Variants in SBNO1 observed in about 807,000 individuals in gnomAD.
The protein encoded by SBNO1 is strawberry notch homolog 1, also known as protein strawberry notch homolog 1.
Under a neutral mutation model 173.6 loss-of-function variants are expected in SBNO1, and 23 were observed. The observed-to-expected ratio is 0.13, with a 90% CI of 0.10 to 0.19. SBNO1 has a LOEUF of 0.19. Among genes scored for constraint, SBNO1 ranks in the 10% least tolerant of loss-of-function variants. The pLI is 1.00. For synonymous variants in SBNO1, 632 were observed against 571.5 expected (o/e 1.11, Z -1.51); for missense variants, 1,238 against 1,671.2 (o/e 0.74, Z 4.52).
rs2048490579 is a variant in SBNO1, at chr12:123,290,128, T to C, written c.*5780A>G. On this transcript the variant is annotated 3_prime_UTR_variant, in exon 32 of 32. Coordinates refer to ENST00000602398, the MANE Select transcript of SBNO1 (RefSeq NM_001167856.3). ...TCTTGCTGGACGGTGCCCTGCCACG[T>C]TGCGGCAGCCCAGATGGCCGCACTG... 1 of 152,252 alleles carries C rather than the reference T, an allele frequency of 6.6e-6. No individual in the cohort carries two copies. Among genetic ancestry groups the C allele is most frequent in the African/African-American group, 2.4e-5 (1 of 41,458 alleles). The allele number at this position is 152,252 out of a possible 1,614,324, so 9.4% of individuals were successfully genotyped here. A position where few individuals can be genotyped will look rare whatever the true frequency, so the allele number is the denominator to read the frequency against.
Position 123,304,572 on chromosome 12 carries a change from G to A in SBNO1, c.3768+10C>T, listed in dbSNP as rs377657358. 4.9e-5 allele frequency: 74 copies of A among 1,516,700 alleles called. No homozygotes were observed. In the African/African-American group the frequency reaches 1.0e-3, roughly 21 times the overall value. The allele number at this position is 1,516,700 out of a possible 1,614,324, so 94.0% of individuals were successfully genotyped here. On this transcript the variant is annotated intron_variant, in intron 29 of 31. Transcript: ENST00000602398. ...TTCCTATATAATATAATGTACAAAT[G>A]AAAAAATACCTTCTTATATTTCTTT...
At chr12:123,322,058 C>T (rs1473717028) in intron 16 of SBNO1, among the ~76,000 whole-genome samples, 1 of 152,156 alleles carries the variant, frequency 6.6e-6, no homozygotes, top group East Asian at 1.9e-4. Flanking sequence ...GACTGTGTAT[C>T]AGATTTGAGA....
intron 1 of SBNO1, among the ~76,000 whole-genome samples, chr12:123,351,139 AAAAG>A (rs1474142145): frequency 6.6e-6 from 1 of 152,030 alleles, no homozygotes; most frequent in Non-Finnish European, 1.5e-5. Flanking sequence ...AAAAAAAAGA[AAAAG>A]AAAACCTCTG....
chr12:123,316,504 G>T (rs943159906), intron 21 of SBNO1, among the ~76,000 whole-genome samples: 1 of 151,288 alleles, frequency 6.6e-6, no homozygotes, highest in Non-Finnish European at 1.5e-5. Context: ...GATTACAGGC[G>T]TGAGCCGCTG....
At chr12:123,310,116 C>T (rs2049015642) in intron 25 of SBNO1, among the ~76,000 whole-genome samples, 1 of 152,188 alleles carries the variant, frequency 6.6e-6, no homozygotes, top group African/African-American at 2.4e-5. Flanking sequence ...CAATTCAGTA[C>T]ATAAGAAAGT....
chr12:123,327,985 C>T lies in SBNO1; in HGVS notation c.1339G>A (p.Val447Ile). ...GTCTTGGTTGGCTTTGAAGAACCAA[C>T]AGGACATAAGTTTTTGGCTTTATGA... ...ECHKAKNLCP[V>I]GSSKPTKTGL... The change falls in exon 11 of 32, where the codon GTT becomes ATT. Residue 447 changes from valine (V) to isoleucine (I), a missense_variant. Val to Ile is a conservative substitution (Grantham distance 29, BLOSUM62 3). Around this residue, in one of 14 missense-constraint regions of SBNO1, gnomAD observed 182 missense variants for 339.9 expected, o/e 0.54. Transcript: ENST00000602398. The T allele has an allele frequency of 1.9e-6, 3 of 1,613,124 alleles. No individual in the cohort carries two copies. The highest frequency in any genetic ancestry group is 2.5e-6 in the Non-Finnish European group (3 of 1,179,424).
rs2048547394 is a variant in SBNO1 at position 123,293,948 on chromosome 12, G to A, written c.*1960C>T. On this transcript the variant is annotated 3_prime_UTR_variant, in exon 32 of 32. Coordinates refer to ENST00000602398, the MANE Select transcript of SBNO1 (RefSeq NM_001167856.3). ...GGGGACACTTCCATTGCTGATGGAA[G>A]CTGCCTACTGCTTTTAAAAACACAC... The A allele has an allele frequency of 6.6e-6, 1 of 152,240 alleles. No individual in the cohort carries two copies. The highest frequency in any genetic ancestry group is 2.1e-4 in the South Asian group (1 of 4,836). The allele number at this position is 152,240 out of a possible 1,614,324, so 9.4% of individuals were successfully genotyped here.
Position 123,315,241 on chromosome 12 carries a change from G to GA in SBNO1, c.3120+131dup, listed in dbSNP as rs1869137203. The GA allele has an allele frequency of 9.1e-6, 6 of 656,382 alleles. No individual in the cohort carries two copies. The East Asian group carries it at 1.6e-4, about 18-fold the overall frequency. The allele number at this position is 656,382 out of a possible 1,614,324, so 40.7% of individuals were successfully genotyped here. On this transcript the variant is annotated intron_variant, in intron 23 of 31. Transcript: ENST00000602398. Reference sequence around the variant, plus strand: ...ATACATGTGAAATTCTGTCTTATAGGAAGCCATGATTTTAAAGCAAATGCA... The same window carrying GA: ...ATACATGTGAAATTCTGTCTTATAGGAAAGCCATGATTTTAAAGCAAATGCA...
chr12:123,329,944 T>C (rs1191875499), intron 9 of SBNO1, among the ~76,000 whole-genome samples: 1 of 152,192 alleles, frequency 6.6e-6, no homozygotes, highest in African/African-American at 2.4e-5. Context: ...CAGAATTGTT[T>C]TCATGTGAGC....
At chr12:123,327,080 AC>A (rs1485688954) in intron 13 of SBNO1, among the ~76,000 whole-genome samples, 28 of 152,208 alleles carry the variant, frequency 1.8e-4, no homozygotes, top group African/African-American at 6.3e-4. Flanking sequence ...ATCTTGGCTC[AC>A]AGCAACCTCC....
At position 123,292,754 on chromosome 12, in the gene SBNO1, CTAAT is replaced by C. The variant is rs1005654594; in HGVS notation, c.*3150_*3153del. On this transcript the variant is annotated 3_prime_UTR_variant, in exon 32 of 32. Transcript: ENST00000602398. Reference sequence around the variant, plus strand: ...ACATTGCTTTGGATGCAGGTTCTTACTAATTTATATACACATGTAAAGAGAAGAT... The same window carrying C: ...ACATTGCTTTGGATGCAGGTTCTTACTTATATACACATGTAAAGAGAAGAT... The C allele has an allele frequency of 4.6e-5, 7 of 152,138 alleles. No homozygotes were observed. The highest frequency in any genetic ancestry group is 1.7e-4 in the African/African-American group (7 of 41,426). The allele number at this position is 152,138 out of a possible 1,614,324, so 9.4% of individuals were successfully genotyped here. A position where few individuals can be genotyped will look rare whatever the true frequency, so the allele number is the denominator to read the frequency against.
At chr12:123,304,986 C>T (rs2138897223) in intron 28 of SBNO1, among the ~76,000 whole-genome samples, 1 of 152,292 alleles carries the variant, frequency 6.6e-6, no homozygotes, top group Non-Finnish European at 1.5e-5. Context: ...CTTTAATGCA[C>T]AAATGTCCAA....
chr12:123,309,300 A>G lies in SBNO1; in HGVS notation c.3630+10T>C. The G allele has an allele frequency of 6.2e-7, 1 of 1,605,074 alleles. No homozygotes were observed. The highest frequency in any genetic ancestry group is 8.5e-7 in the Non-Finnish European group (1 of 1,171,850). On this transcript the variant is annotated intron_variant, in intron 28 of 31. Coordinates refer to ENST00000602398, the MANE Select transcript of SBNO1 (RefSeq NM_001167856.3). ...ATATATCTGAATAGAATTTAAAGGA[A>G]AAGTCGTACTTGCAATGACAAGTAA...
At chr12:123,312,240 C>G (rs1868669026) in intron 24 of SBNO1, among the ~76,000 whole-genome samples, 1 of 152,040 alleles carries the variant, frequency 6.6e-6, no homozygotes, top group Admixed American at 6.6e-5. Context: ...GTGCCCAGAC[C>G]AGGGAGTTGT....
chr12:123,292,487 T>C lies in SBNO1; in HGVS notation c.*3421A>G, dbSNP rs1219645426. The C allele has an allele frequency of 6.6e-6, 1 of 152,226 alleles. No homozygotes were observed. The highest frequency in any genetic ancestry group is 1.5e-5 in the Non-Finnish European group (1 of 68,042). 9.4% of individuals were successfully genotyped at this position (152,226 alleles called of 1,614,324 possible). A position where few individuals can be genotyped will look rare whatever the true frequency, so the allele number is the denominator to read the frequency against. ...CATTCTACAATTATAAATGCTGTCC[T>C]GGTAGCCTTTCTTCTCTTGCCGGCT... is the stretch of plus-strand genomic sequence containing the variant. On this transcript the variant is annotated 3_prime_UTR_variant, in exon 32 of 32. Transcript: ENST00000602398.
rs1346441522 is a variant in SBNO1 at position 123,327,694 on chromosome 12, T to C, written c.1538+13A>G. 6.2e-7 allele frequency: 1 copy of C among 1,603,406 alleles called. No homozygotes were observed. Among genetic ancestry groups the C allele is most frequent in the African/African-American group, 1.3e-5 (1 of 74,782 alleles). On this transcript the variant is annotated intron_variant, in intron 12 of 31. Coordinates refer to ENST00000602398, the MANE Select transcript of SBNO1 (RefSeq NM_001167856.3). ...TTGCTACTGAGAAGAGTATATACCG[T>C]AAACTGCATTACCTCCGTTCTACTG...
At chr12:123,340,956 C>A in intron 5 of SBNO1, 32 bp downstream of exon 5, 1 of 1,333,798 alleles carries the variant, frequency 7.5e-7, no homozygotes, top group Middle Eastern at 2.1e-4. Context: ...TCATACTACA[C>A]AAAAATAAAG....
At chr12:123,345,614 C>G (rs1873030882) in intron 3 of SBNO1, 44 bp from the exon 4 acceptor site, 3 of 1,489,944 alleles carry the variant, frequency 2.0e-6, no homozygotes, top group Non-Finnish European at 2.8e-6. Context: ...ATGCTTCATT[C>G]TCTAATGAAG....
At chr12:123,328,540 G>A (rs573097515) in intron 10 of SBNO1, among the ~76,000 whole-genome samples, 194 bp downstream of exon 10, 2 of 152,034 alleles carry the variant, frequency 1.3e-5, no homozygotes, top group Non-Finnish European at 2.9e-5. Flanking sequence ...TCTAAACCAG[G>A]AGATTAAACA....
Sources: allele counts gnomAD v4.1 joint callset (sites outside exome capture counted in the v4.1 genomes callset), GRCh38; gene constraint gnomAD v4.1.1; regional missense constraint gnomAD v4.1.1; transcripts MANE v1.5; gene names NCBI Gene and HGNC (gene_info 2026-07-23, HGNC 2026-07-21).